Variants in PLCL2 observed in about 807,000 individuals in gnomAD.
PLCL2 encodes inactive phospholipase C-like protein 2.
A neutral mutation model predicts 79.6 loss-of-function variants in PLCL2; 4 were observed. That is an observed-to-expected ratio of 0.05 (90% CI 0.02 to 0.11). The LOEUF (loss-of-function observed/expected upper bound fraction) is 0.11. Among genes scored for constraint, PLCL2 ranks in the 10% least tolerant of loss-of-function variants. The probability of loss-of-function intolerance (pLI) is 1.00; values close to 1 mark genes in which losing one functional copy is unlikely to be tolerated. For missense variants in PLCL2, 895 were observed against 1,291.0 expected, an observed-to-expected ratio of 0.69 and a Z score of 4.70; for synonymous variants, 484 against 457.7, an observed-to-expected ratio of 1.06 and a Z score of -0.73.
intron 1 of PLCL2, among the ~76,000 whole-genome samples, chr3:16,932,175 A>G (rs1368501818): frequency 1.3e-5 from 2 of 152,176 alleles, no homozygotes; most frequent in Non-Finnish European, 2.9e-5. Flanking sequence ...ATAGCTCTTA[A>G]TTTTTAGTTG....
intron 1 of PLCL2, among the ~76,000 whole-genome samples, chr3:16,940,767 A>G (rs962870759): frequency 6.6e-6 from 1 of 152,236 alleles, no homozygotes; most frequent in African/African-American, 2.4e-5. Context: ...ACCTCATATT[A>G]TAAGATATGA....
chr3:17,031,920 A>G (rs2064586717), intron 3 of PLCL2, among the ~76,000 whole-genome samples: 1 of 146,158 alleles, frequency 6.8e-6, no homozygotes, highest in Non-Finnish European at 1.5e-5. Context: ...TTTGTTGCTC[A>G]ATTTTCACCT....
At chr3:16,913,072 C>G (rs1252991378) in intron 1 of PLCL2, among the ~76,000 whole-genome samples, 1 of 152,124 alleles carries the variant, frequency 6.6e-6, no homozygotes, top group Admixed American at 6.5e-5. Flanking sequence ...TCAACATGTT[C>G]TATGATACCC....
intron 1 of PLCL2, among the ~76,000 whole-genome samples, chr3:16,943,894 C>T (rs2063578173): frequency 6.6e-6 from 1 of 152,086 alleles, no homozygotes. Flanking sequence ...CCTTTGGATC[C>T]TTGCTTACTT....
At chr3:16,906,195 G>A (rs1013395437) in intron 1 of PLCL2, among the ~76,000 whole-genome samples, 2 of 152,018 alleles carry the variant, frequency 1.3e-5, no homozygotes, top group East Asian at 3.8e-4. Context: ...TAAAACATTT[G>A]TGTGAGCCCC....
chr3:17,084,683 G>A (rs2065198819), intron 5 of PLCL2, among the ~76,000 whole-genome samples: 1 of 152,136 alleles, frequency 6.6e-6, no homozygotes, highest in Non-Finnish European at 1.5e-5. Flanking sequence ...CAAAGCTCGT[G>A]GTTGTATCAG....
intron 1 of PLCL2, among the ~76,000 whole-genome samples, chr3:16,968,862 C>G (rs1032138670): frequency 1.3e-5 from 2 of 152,088 alleles, no homozygotes; most frequent in Non-Finnish European, 2.9e-5. Flanking sequence ...TTTGCCCATT[C>G]AGTATGATGT....
At chr3:17,021,619 C>G (rs1266313049) in intron 3 of PLCL2, among the ~76,000 whole-genome samples, 1 of 151,814 alleles carries the variant, frequency 6.6e-6, no homozygotes, top group East Asian at 1.9e-4. Flanking sequence ...CACACACACA[C>G]ACACACACAC....
chr3:17,051,871 C>G (rs2064843220), intron 4 of PLCL2, among the ~76,000 whole-genome samples: 1 of 152,100 alleles, frequency 6.6e-6, no homozygotes, highest in Admixed American at 6.6e-5. Flanking sequence ...GGACAATGCC[C>G]TTGGTCACCC....
intron 3 of PLCL2, among the ~76,000 whole-genome samples, chr3:17,023,798 A>T (rs57315057): frequency 0.014 from 2,070 of 152,296 alleles, 47 homozygotes; most frequent in African/African-American, 0.048. Context: ...TTTAAAACTG[A>T]CAAATGTCTC....
At chr3:17,057,494 G>A (rs1456806629) in intron 4 of PLCL2, among the ~76,000 whole-genome samples, 1 of 152,194 alleles carries the variant, frequency 6.6e-6, no homozygotes, top group Non-Finnish European at 1.5e-5. Context: ...GAAGAAGTTG[G>A]TTGTGAAGGT....
At chr3:17,049,661 A>T (rs1366930277) in intron 4 of PLCL2, among the ~76,000 whole-genome samples, 1 of 152,318 alleles carries the variant, frequency 6.6e-6, no homozygotes, top group South Asian at 2.1e-4. Flanking sequence ...TAAAACACTA[A>T]TGAAAGAAAT....
chr3:17,030,247 T>C (rs1228874197), intron 3 of PLCL2, among the ~76,000 whole-genome samples: 2 of 152,174 alleles, frequency 1.3e-5, no homozygotes, highest in African/African-American at 2.4e-5. Flanking sequence ...TTTTAAACTC[T>C]ACAATGGGCA....
At chr3:16,933,380 G>A (rs1482785206) in intron 1 of PLCL2, 3 of 154,362 alleles carry the variant, frequency 1.9e-5, no homozygotes, top group East Asian at 3.9e-4. Context: ...AAACGCTTAC[G>A]ACTACTTAGT....
chr3:17,029,539 T>C (rs2064558781), intron 3 of PLCL2, among the ~76,000 whole-genome samples: 1 of 152,090 alleles, frequency 6.6e-6, no homozygotes, highest in Admixed American at 6.6e-5. Flanking sequence ...TTCCCAAGCA[T>C]GCTCATAAAT....
At chr3:16,962,928 A>G (rs1227106245) in intron 1 of PLCL2, among the ~76,000 whole-genome samples, 2 of 152,152 alleles carry the variant, frequency 1.3e-5, no homozygotes, top group Non-Finnish European at 2.9e-5. Context: ...AAGTACTTGA[A>G]CCAATATATC....
intron 1 of PLCL2, among the ~76,000 whole-genome samples, chr3:16,915,260 G>C (rs1163099906): frequency 1.3e-5 from 2 of 152,182 alleles, no homozygotes; most frequent in Non-Finnish European, 2.9e-5. Flanking sequence ...AGTTGCTTCA[G>C]ACGTCATTGA....
chr3:17,024,893 G>C lies in PLCL2; in HGVS notation c.3018+9982G>C, dbSNP rs1158900647. 2.0e-5 allele frequency among the ~76,000 whole-genome samples: 3 copies of C among 152,144 alleles called. 1 individual carries two copies. The highest frequency in any genetic ancestry group is 4.4e-5 in the Non-Finnish European group (3 of 68,028). On this transcript the variant is annotated intron_variant, in intron 3 of 5. Transcript: ENST00000615277. Reference sequence around the variant, plus strand: ...TGTGCCAGCTTGTGCTGGCTACTTTGAAAGAAAAACAGATGTGTTCATCTT... The same window carrying C: ...TGTGCCAGCTTGTGCTGGCTACTTTCAAAGAAAAACAGATGTGTTCATCTT...
At chr3:16,939,152 G>A (rs1041596448) in intron 1 of PLCL2, among the ~76,000 whole-genome samples, 2 of 151,934 alleles carry the variant, frequency 1.3e-5, no homozygotes, top group Admixed American at 1.3e-4. Context: ...GGGTAAGCGG[G>A]TAATCACACA....
Sources: allele counts gnomAD v4.1 joint callset (sites outside exome capture counted in the v4.1 genomes callset), GRCh38; gene constraint gnomAD v4.1.1; transcripts MANE v1.5; gene names NCBI Gene and HGNC (gene_info 2026-07-23, HGNC 2026-07-21).